SIK3: variants seen among roughly 807,000 people sequenced by gnomAD.
The protein encoded by SIK3 is SIK family kinase 3, also known as serine/threonine-protein kinase SIK3.
In SIK3, 28 loss-of-function variants were observed where a neutral mutation model predicts 144.2. The ratio of observed to expected loss-of-function variants is 0.19; its 90% CI spans 0.14 to 0.27. SIK3 has a LOEUF of 0.27. Among genes scored for constraint, SIK3 ranks in the 10% least tolerant of loss-of-function variants. The pLI is 1.00. For synonymous variants in SIK3, 686 were observed against 676.3 expected, an observed-to-expected ratio of 1.01 and a Z score of -0.22; for missense variants, 1,319 against 1,776.0, an observed-to-expected ratio of 0.74 and a Z score of 4.62.
chr11:116,957,628 A>G (rs1314502870), intron 1 of SIK3, among the ~76,000 whole-genome samples: 1 of 152,172 alleles, frequency 6.6e-6, no homozygotes, highest in African/African-American at 2.4e-5. Context: ...AATGTTTACT[A>G]TGGGCCAGGC....
chr11:116,941,067 C>G (rs1324875750), intron 3 of SIK3, among the ~76,000 whole-genome samples: 1 of 152,008 alleles, frequency 6.6e-6, no homozygotes, highest in Non-Finnish European at 1.5e-5. Context: ...AGTGCAGTGG[C>G]GCAATCTCGG....
rs913595431 is a variant in SIK3, at chr11:116,976,104, A to G, written c.274-19040T>C. 1.4e-4 allele frequency among the ~76,000 whole-genome samples: 22 copies of G among 152,328 alleles called. 1 individual carries two copies. The Middle Eastern group carries it at 0.017, about 118-fold the overall frequency. The stretch of plus-strand genomic sequence containing the variant: ...ATAAAAGTTTTTATATATTCTAGAT[A>G]CAAGTCCCTTATCAGATGTACGATT... On this transcript the variant is annotated intron_variant, in intron 1 of 24. Coordinates refer to ENST00000445177, the MANE Select transcript of SIK3 (RefSeq NM_001366686.3).
rs1175434791 is a variant in SIK3 at position 116,867,982 on chromosome 11, C to T, written c.1916G>A (p.Arg639Gln). The T allele has an allele frequency of 4.5e-6, 7 of 1,549,810 alleles. No homozygotes were observed. The highest frequency in any genetic ancestry group is 2.7e-5 in the African/African-American group (2 of 73,126). ...AGGTACCAGGTGAGGAGGCCAGACC[C>T]GGGAACGGAAAGGCTGCTGTCCTAG... ...RQLGQQPFRS[R>Q]VWPPHLVPDQ... The change falls in exon 15 of 25, where the codon CGG (arginine) becomes CAG (glutamine). Residue 639 changes from arginine (R) to glutamine (Q), a missense_variant. By Grantham distance (43) the Arg-to-Gln change is conservative (BLOSUM62 1). Transcript: ENST00000445177. This position sits in a 1 kb window ranked among gnomAD's most constrained non-coding sequence, Gnocchi z 4.1.
At chr11:117,018,677 C>T (rs2135726192) in intron 1 of SIK3, among the ~76,000 whole-genome samples, 1 of 152,006 alleles carries the variant, frequency 6.6e-6, no homozygotes, top group East Asian at 1.9e-4. Context: ...CAACTCTAAA[C>T]AAGACTGAAT....
In SIK3 at chr11:116,896,393, G is replaced by C. The variant is rs1945401120; in HGVS notation, c.742-17C>G. The C allele has an allele frequency of 1.2e-6, 2 of 1,611,762 alleles. No individual in the cohort carries two copies. Among genetic ancestry groups the C allele is most frequent in the South Asian group, 2.2e-5 (2 of 90,926 alleles). ...TCCAAGGCTCTGCATCCCAAACAGAGAGGATGTACAATTAATCACATCAGG... is the reference window on the plus strand; with the variant it reads ...TCCAAGGCTCTGCATCCCAAACAGACAGGATGTACAATTAATCACATCAGG... On this transcript the variant is annotated splice_polypyrimidine_tract_variant and intron_variant, in intron 5 of 24. Transcript: ENST00000445177.
At chr11:117,013,966 T>TG (rs1951404751) in intron 1 of SIK3, among the ~76,000 whole-genome samples, 1 of 68,866 alleles carries the variant, frequency 1.5e-5, no homozygotes, top group South Asian at 4.8e-4. Flanking sequence ...TTTCTTTTTT[T>TG]CTTTTCTTTT....
At chr11:117,040,885 T>C (rs1169029908) in intron 1 of SIK3, among the ~76,000 whole-genome samples, 1 of 151,796 alleles carries the variant, frequency 6.6e-6, no homozygotes, top group African/African-American at 2.4e-5. Context: ...TACTTATATA[T>C]AGTGAAATGG....
At chr11:117,084,545 C>T (rs1303763364) in intron 1 of SIK3, among the ~76,000 whole-genome samples, 1 of 152,186 alleles carries the variant, frequency 6.6e-6, no homozygotes, top group Non-Finnish European at 1.5e-5. Flanking sequence ...CAATTACAGG[C>T]ATGAGCCACC....
intron 1 of SIK3, among the ~76,000 whole-genome samples, chr11:117,005,726 A>G (rs1940625): frequency 0.15 from 23,085 of 152,172 alleles, 2,489 homozygotes; most frequent in African/African-American, 0.3. Flanking sequence ...GCTTTTGATA[A>G]TATAAAGTAT....
intron 15 of SIK3, chr11:116,864,613 T>G (rs1315616496): frequency 6.6e-6 from 1 of 152,072 alleles, no homozygotes; most frequent in African/African-American, 2.4e-5. Flanking sequence ...AGCATCGGGG[T>G]TAGAAGCTAA....
intron 9 of SIK3, 63 bp from the exon 10 acceptor site, chr11:116,875,514 T>C (rs1310313171): frequency 1.8e-5 from 27 of 1,529,736 alleles, no homozygotes; most frequent in Non-Finnish European, 2.4e-5. Flanking sequence ...AATGAGTCTT[T>C]CCAAGTAGTC....
intron 4 of SIK3, among the ~76,000 whole-genome samples, chr11:116,898,718 A>G (rs1945566970): frequency 6.7e-6 from 1 of 148,824 alleles, no homozygotes; most frequent in South Asian, 2.1e-4. Context: ...CATTTCTCTG[A>G]TGGCCAGTGA....
chr11:116,980,353 G>A (rs1158763021), intron 1 of SIK3, among the ~76,000 whole-genome samples: 1 of 151,978 alleles, frequency 6.6e-6, no homozygotes, highest in Non-Finnish European at 1.5e-5. Flanking sequence ...CCTCTTTTCC[G>A]CTTATCACTA....
chr11:116,874,074 G>T lies in SIK3; in HGVS notation c.1428-18C>A. On this transcript the variant is annotated intron_variant, in intron 11 of 24. Coordinates refer to ENST00000445177, the MANE Select transcript of SIK3 (RefSeq NM_001366686.3). The stretch of plus-strand genomic sequence containing the variant: ...CTTCCGTGCTGATACAAAACAGAAT[G>T]ACAGAGAAGTTTAGTTAACATTCTT... 3 of 1,612,622 alleles carry T rather than the reference G, an allele frequency of 1.9e-6. No individual in the cohort carries two copies. The highest frequency in any genetic ancestry group is 2.2e-5 in the South Asian group (2 of 90,792).
intron 3 of SIK3, among the ~76,000 whole-genome samples, chr11:116,941,148 A>G (rs1405612828): frequency 6.6e-6 from 1 of 152,056 alleles, no homozygotes; most frequent in Non-Finnish European, 1.5e-5. Flanking sequence ...TTGGGACCAC[A>G]GGTGCCCACC....
At position 116,874,185 on chromosome 11, in the gene SIK3, C is replaced by CT; in HGVS notation, c.1428-130dup. On this transcript the variant is annotated intron_variant, in intron 11 of 24. Coordinates refer to ENST00000445177, the MANE Select transcript of SIK3 (RefSeq NM_001366686.3). ...ATTTTCTTCCTGAATTTATGTTTCT[C>CT]TTTAAGATCCTAAAGCAAAGCAAAA... is the stretch of plus-strand genomic sequence containing the variant. 3.1e-6 allele frequency: 3 copies of CT among 977,674 alleles called. No homozygotes were observed. In the South Asian group the frequency reaches 4.7e-5, roughly 15 times the overall value. 60.6% of individuals were successfully genotyped at this position (977,674 alleles called of 1,614,324 possible).
At chr11:117,083,622 C>T (rs567549776) in intron 1 of SIK3, among the ~76,000 whole-genome samples, 22 of 152,224 alleles carry the variant, frequency 1.4e-4, no homozygotes, top group African/African-American at 4.3e-4. Flanking sequence ...CGGAATGCTG[C>T]TTATGCAATA....
At chr11:116,856,330 G>C (rs940494324) in intron 21 of SIK3, among the ~76,000 whole-genome samples, 1 of 152,102 alleles carries the variant, frequency 6.6e-6, no homozygotes. Flanking sequence ...ACCTCTGTTA[G>C]AAAGCTCCCA....
chr11:116,862,409 C>G, intron 16 of SIK3, 82 bp from the exon 17 acceptor site: 1 of 1,574,900 alleles, frequency 6.3e-7, no homozygotes, highest in Non-Finnish European at 8.7e-7. Context: ...GATCTGCCTC[C>G]AAGCTCTCAT....
Sources: gnomAD v4.1 joint callset for allele counts (sites outside exome capture counted in the v4.1 genomes callset) on GRCh38, gnomAD v4.1.1 for gene constraint, Gnocchi (gnomAD v3.1) non-coding constraint, MANE v1.5 for transcripts, NCBI Gene and HGNC (gene_info 2026-07-23, HGNC 2026-07-21) for gene names.